Variants in LAMA1 observed in about 807,000 individuals in gnomAD.
LAMA1 encodes the protein laminin subunit alpha-1.
LAMA1 carries 219 observed loss-of-function variants against 348.7 expected under a neutral mutation model. The observed-to-expected ratio is 0.63, with a 90% CI of 0.56 to 0.70. LAMA1 has a LOEUF of 0.70. LAMA1 is among the 30% of genes least tolerant of loss of function. The pLI is 0.00. For missense variants in LAMA1, 3,744 were observed against 3,888.0 expected, an observed-to-expected ratio of 0.96 and a Z score of 0.99; for synonymous variants, 1,487 against 1,491.0, an observed-to-expected ratio of 1.00 and a Z score of 0.06.
In LAMA1 at chr18:6,941,790, G is replaced by A. The variant is rs1261880894; in HGVS notation, c.*289C>T. 1 of 396,846 alleles carries A rather than the reference G, an allele frequency of 2.5e-6. No individual in the cohort carries two copies. Among genetic ancestry groups the A allele is most frequent in the Non-Finnish European group, 4.7e-6 (1 of 212,326 alleles). The allele number at this position is 396,846 out of a possible 1,614,324, so 24.6% of individuals were successfully genotyped here. ...GATACTTTTTTAAAAAGCTCAAAAT[G>A]AAAAACATAAAATACTATCAAGTAA... On this transcript the variant is annotated 3_prime_UTR_variant, in exon 63 of 63. Coordinates refer to ENST00000389658, the MANE Select transcript of LAMA1 (RefSeq NM_005559.4).
chr18:6,997,116 T>A (rs2057784978), intron 33 of LAMA1, among the ~76,000 whole-genome samples: 1 of 152,084 alleles, frequency 6.6e-6, no homozygotes, highest in South Asian at 2.1e-4. Context: ...CAGGCTGGAG[T>A]GCAGTGGTGT....
intron 52 of LAMA1, 73 bp from the exon 53 acceptor site, chr18:6,961,832 C>T: frequency 6.4e-7 from 1 of 1,573,020 alleles, no homozygotes; most frequent in Admixed American, 1.7e-5. Flanking sequence ...GAGGACACTG[C>T]TGATTTCCCC....
At chr18:6,973,319 G>T (rs1311044013) in intron 46 of LAMA1, 112 bp from the exon 47 acceptor site, 2 of 933,862 alleles carry the variant, frequency 2.1e-6, no homozygotes, top group African/African-American at 1.6e-5. Flanking sequence ...CCCTGCAACA[G>T]CACCCCCCTG....
chr18:6,942,446 C>T (rs545566333), intron 62 of LAMA1, among the ~76,000 whole-genome samples: 19 of 151,890 alleles, frequency 1.3e-4, no homozygotes, highest in African/African-American at 4.3e-4. Context: ...TGGAGTCTCG[C>T]TCTGCCACCT....
At chr18:6,943,773 G>A (rs866916574) in intron 61 of LAMA1, among the ~76,000 whole-genome samples, 1 of 150,220 alleles carries the variant, frequency 6.7e-6, no homozygotes, top group Non-Finnish European at 1.5e-5. Flanking sequence ...AACCTAGGAG[G>A]CAGAGGTTGC....
rs752825667 is a variant in LAMA1 at position 7,013,977 on chromosome 18, T to G, written c.3201A>C (p.Ser1067=). ...DVVTGHCQCK[S]KFGGRACDQC... is the part of the protein sequence containing the mutation. ...GATCGCAGGCCCGGCCACCAAATTT[T>G]GACTTGCACTGGCAATGGCCGGTGA... is the stretch of plus-strand genomic sequence containing the variant. Residue 1067 remains serine, a synonymous_variant, in exon 23 of 63, where the codon TCA becomes TCC. Transcript: ENST00000389658. The G allele has an allele frequency of 6.2e-7, 1 of 1,613,836 alleles. No individual in the cohort carries two copies. Among genetic ancestry groups the G allele is most frequent in the Non-Finnish European group, 8.5e-7 (1 of 1,179,938 alleles).
rs2057580769 is a variant in LAMA1 at position 6,956,760 on chromosome 18, A to G, written c.7970T>C (p.Leu2657Ser). 1 of 1,614,182 alleles carries G rather than the reference A, an allele frequency of 6.2e-7. No individual in the cohort carries two copies. The highest frequency in any genetic ancestry group is 1.3e-5 in the African/African-American group (1 of 75,044). Residue 2657 changes from leucine to serine, a missense_variant, in exon 56 of 63, where the codon TTG becomes TCG. Coordinates refer to ENST00000389658, the MANE Select transcript of LAMA1 (RefSeq NM_005559.4). The part of the protein sequence containing the change: ...IKNLIFNLEL[L>S]DFNSAVGHEQ... ...ATGGCCAACTGCACTGTTGAAATCC[A>G]AAAGTCTAGGTAGAAACAAGAGAGT...
At chr18:6,982,732 A>T in intron 40 of LAMA1, 142 bp from the exon 41 acceptor site, 1 of 761,342 alleles carries the variant, frequency 1.3e-6, no homozygotes, top group East Asian at 2.6e-5. Context: ...GGGACAATTT[A>T]AAATGGCTGA....
At chr18:7,105,415 G>A (rs1362213113) in intron 1 of LAMA1, among the ~76,000 whole-genome samples, 4 of 151,690 alleles carry the variant, frequency 2.6e-5, no homozygotes, top group East Asian at 1.9e-4. Context: ...CTCGAGCCTC[G>A]GCGACAGAGT....
Position 7,000,294 on chromosome 18 carries a change from G to A in LAMA1, c.4383-297C>T, listed in dbSNP as rs1384640039. Among the ~76,000 whole-genome samples, 5 of 152,368 alleles carry A rather than the reference G, an allele frequency of 3.3e-5. No homozygotes were observed. The East Asian group carries it at 7.7e-4, about 24-fold the overall frequency. ...TTATCACTAATTGGCCACCCAACAA[G>A]AGAGTGTCCCAAGGAAAAAGGGTCT... On this transcript the variant is annotated intron_variant, in intron 30 of 62. Transcript: ENST00000389658.
At chr18:7,016,022 G>A (rs975164178) in intron 21 of LAMA1, among the ~76,000 whole-genome samples, 164 bp from the exon 22 acceptor site, 2 of 152,118 alleles carry the variant, frequency 1.3e-5, no homozygotes, top group Non-Finnish European at 2.9e-5. Flanking sequence ...GGAGGTAGCC[G>A]GCCCTCCATC....
intron 33 of LAMA1, among the ~76,000 whole-genome samples, chr18:6,997,500 T>C (rs2057787032): frequency 6.6e-6 from 1 of 152,148 alleles, no homozygotes; most frequent in African/African-American, 2.4e-5. Flanking sequence ...TGAGGAGTCC[T>C]CCAGAGAGCA....
intron 35 of LAMA1, 148 bp from the exon 36 acceptor site, chr18:6,992,868 C>G (rs1294513989): frequency 2.6e-5 from 17 of 651,286 alleles, no homozygotes; most frequent in Non-Finnish European, 4.6e-5. Flanking sequence ...CTGGCATATC[C>G]CAGTGTACTC....
At chr18:7,064,860 G>A (rs1279004395) in intron 3 of LAMA1, among the ~76,000 whole-genome samples, 2 of 152,072 alleles carry the variant, frequency 1.3e-5, no homozygotes, top group African/African-American at 4.8e-5. Context: ...TCTCATGATC[G>A]TCTTGTAAAT....
intron 13 of LAMA1, among the ~76,000 whole-genome samples, chr18:7,034,967 T>C (rs2057987888): frequency 6.6e-6 from 1 of 152,238 alleles, no homozygotes; most frequent in Admixed American, 6.5e-5. Flanking sequence ...CCACAGCTTT[T>C]ATCAAAGCAA....
chr18:6,988,808 T>TAAAAAA (rs1169877701), intron 36 of LAMA1, among the ~76,000 whole-genome samples: 46 of 99,242 alleles, frequency 4.6e-4, no homozygotes, highest in East Asian at 6.0e-4. Context: ...TCCGTCTCAA[T>TAAAAAA]AAAAAAAAAA....
rs1050847364 is a variant in LAMA1 at position 6,975,053 on chromosome 18, G to A, written c.6490-17C>T. 6.2e-7 allele frequency: 1 copy of A among 1,612,126 alleles called. No homozygotes were observed. The highest frequency in any genetic ancestry group is 1.3e-5 in the African/African-American group (1 of 74,940). On this transcript the variant is annotated splice_polypyrimidine_tract_variant and intron_variant, in intron 45 of 62. Transcript: ENST00000389658. Reference sequence around the variant, plus strand: ...GAAATCAGACTGGGGGGCGAGGAATGAACGGGGATCAGTTTACACACTGGA... The same window carrying A: ...GAAATCAGACTGGGGGGCGAGGAATAAACGGGGATCAGTTTACACACTGGA...
chr18:6,953,755 AC>A (rs2057561180), intron 57 of LAMA1: 1 of 152,176 alleles, frequency 6.6e-6, no homozygotes, highest in Non-Finnish European at 1.5e-5. Context: ...CTTTGTGTCA[AC>A]CTCCAGCACA....
chr18:7,015,904 T>G, intron 21 of LAMA1, 46 bp from the exon 22 acceptor site: 1 of 1,610,560 alleles, frequency 6.2e-7, no homozygotes, highest in South Asian at 1.1e-5. Flanking sequence ...GTGATGTCAT[T>G]AAAGGGCTAA....
Sources: allele counts gnomAD v4.1 joint callset (sites outside exome capture counted in the v4.1 genomes callset), GRCh38; gene constraint gnomAD v4.1.1; transcripts MANE v1.5; gene names NCBI Gene and HGNC (gene_info 2026-07-23, HGNC 2026-07-21).